ADAMTSL1: variants seen among roughly 807,000 people sequenced by gnomAD.
ADAMTSL1 encodes ADAMTS like 1, also known as ADAMTS-like protein 1.
ADAMTSL1 carries 126 observed loss-of-function variants against 201.8 expected under a neutral mutation model. The observed-to-expected ratio is 0.62, with a 90% CI of 0.54 to 0.72. The LOEUF (loss-of-function observed/expected upper bound fraction) is 0.72, where lower values mean the gene tolerates loss of function less well. Among genes scored for constraint, ADAMTSL1 ranks in the 30% least tolerant of loss-of-function variants. ADAMTSL1 has a pLI of 0.00. For synonymous variants in ADAMTSL1, 1,121 were observed against 903.4 expected (o/e 1.24, Z -4.32); for missense variants, 2,679 against 2,277.8 (o/e 1.18, Z -3.59).
At chr9:18,754,902 A>G (rs1819662547) in intron 16 of ADAMTSL1, among the ~76,000 whole-genome samples, 1 of 152,224 alleles carries the variant, frequency 6.6e-6, no homozygotes, top group African/African-American at 2.4e-5. Context: ...CCAGCGCTTA[A>G]GAAATGTATA....
intron 2 of ADAMTSL1, among the ~76,000 whole-genome samples, chr9:18,506,915 A>G (rs979118873): frequency 2.6e-5 from 4 of 152,184 alleles, no homozygotes; most frequent in Non-Finnish European, 5.9e-5. Context: ...AATATAAAGA[A>G]ATATTAGTTT....
intron 2 of ADAMTSL1, among the ~76,000 whole-genome samples, chr9:18,356,752 G>C (rs768943385): frequency 5.9e-5 from 9 of 151,990 alleles, no homozygotes; most frequent in Non-Finnish European, 8.8e-5. Flanking sequence ...GAGAGATATG[G>C]TAACAAGAAT....
At chr9:18,674,327 C>T (rs1342826596) in intron 9 of ADAMTSL1, among the ~76,000 whole-genome samples, 2 of 152,030 alleles carry the variant, frequency 1.3e-5, no homozygotes, top group African/African-American at 4.8e-5. Flanking sequence ...AGTTAGTACT[C>T]CAATGACCTT....
At chr9:18,897,057 C>T (rs899524568) in intron 26 of ADAMTSL1, among the ~76,000 whole-genome samples, 20 of 152,294 alleles carry the variant, frequency 1.3e-4, no homozygotes, top group Admixed American at 1.2e-3. Context: ...CCTGCCAGTT[C>T]CAGTGAGTCC....
chr9:18,146,397 G>A (rs1021662355), intron 1 of ADAMTSL1, among the ~76,000 whole-genome samples: 5 of 152,120 alleles, frequency 3.3e-5, no homozygotes, highest in Non-Finnish European at 5.9e-5. Context: ...AAAGAGGTAT[G>A]AGCTATCAAG....
At chr9:17,979,199 T>G (rs1818583001) in intron 1 of ADAMTSL1, among the ~76,000 whole-genome samples, 1 of 152,148 alleles carries the variant, frequency 6.6e-6, no homozygotes, top group African/African-American at 2.4e-5. Context: ...TAAACCTGGA[T>G]GTCCATATTG....
chr9:18,537,979 G>GAAGAAGAA (rs1554699362), intron 3 of ADAMTSL1, among the ~76,000 whole-genome samples: 13 of 137,772 alleles, frequency 9.4e-5, no homozygotes, highest in East Asian at 5.3e-4. Context: ...AAGAAGAAGA[G>GAAGAAGAA]GAGGAAGAGG....
Position 18,662,016 on chromosome 9 carries a change from A to G in ADAMTSL1, c.1028A>G (p.Glu343Gly), listed in dbSNP as rs1206935139. 3 of 1,614,140 alleles carry G rather than the reference A, an allele frequency of 1.9e-6. No homozygotes were observed. Among genetic ancestry groups the G allele is most frequent in the South Asian group, 1.1e-5 (1 of 91,078 alleles). ...VADQYCHYYP[E>G]NIKPKPKLQE... ...GACCAATACTGTCACTATTACCCAG[A>G]GAACATCAAACCCAAACCCAAGCTT... The change falls in exon 9 of 29, where the codon GAG becomes GGG. Residue 343 changes from glutamate to glycine, a missense_variant. Physicochemically the swap from Glu to Gly is moderately conservative, Grantham distance 98 (BLOSUM62 -2). Coordinates refer to ENST00000380548, the MANE Select transcript of ADAMTSL1 (RefSeq NM_001040272.6).
At chr9:18,010,176 G>A (rs1458997934) in intron 1 of ADAMTSL1, among the ~76,000 whole-genome samples, 1 of 152,002 alleles carries the variant, frequency 6.6e-6, no homozygotes, top group Non-Finnish European at 1.5e-5. Context: ...CGAAACTGAA[G>A]CAGCTCTGAG....
At chr9:18,311,593 A>G (rs1017720220) in intron 2 of ADAMTSL1, among the ~76,000 whole-genome samples, 1 of 152,146 alleles carries the variant, frequency 6.6e-6, no homozygotes, top group African/African-American at 2.4e-5. Context: ...ATGAACAGAT[A>G]GAATTGGCCT....
intron 2 of ADAMTSL1, among the ~76,000 whole-genome samples, chr9:18,165,469 A>C (rs1429329675): frequency 6.6e-6 from 1 of 151,918 alleles, no homozygotes; most frequent in Non-Finnish European, 1.5e-5. Flanking sequence ...ATTACTACCT[A>C]ATATTACATT....
intron 1 of ADAMTSL1, among the ~76,000 whole-genome samples, chr9:17,969,045 T>G (rs1469021653): frequency 6.6e-6 from 1 of 152,018 alleles, no homozygotes; most frequent in Non-Finnish European, 1.5e-5. Context: ...CTCTCACAGT[T>G]TCGGGGAGTT....
intron 23 of ADAMTSL1, among the ~76,000 whole-genome samples, chr9:18,841,205 C>T (rs1462968112): frequency 6.6e-6 from 1 of 152,106 alleles, no homozygotes; most frequent in Non-Finnish European, 1.5e-5. Flanking sequence ...TTTTGAGATA[C>T]ATCCCATTAA....
At chr9:18,357,442 A>G (rs1219351251) in intron 2 of ADAMTSL1, among the ~76,000 whole-genome samples, 2 of 152,184 alleles carry the variant, frequency 1.3e-5, no homozygotes, top group African/African-American at 4.8e-5. Context: ...TGTGGCATAG[A>G]TTCCTAGAGG....
chr9:17,965,539 A>G (rs919976342), intron 1 of ADAMTSL1, among the ~76,000 whole-genome samples: 5 of 152,192 alleles, frequency 3.3e-5, no homozygotes, highest in African/African-American at 1.2e-4. Context: ...ATCGCTTATT[A>G]TTTTAACTTT....
At chr9:18,553,614 G>T (rs1239097170) in intron 3 of ADAMTSL1, among the ~76,000 whole-genome samples, 1 of 151,744 alleles carries the variant, frequency 6.6e-6, no homozygotes, top group Non-Finnish European at 1.5e-5. Context: ...CATTAGAAGT[G>T]AGTGCTTTTG....
intron 1 of ADAMTSL1, among the ~76,000 whole-genome samples, chr9:17,973,538 A>C (rs113705113): frequency 0.72 from 57,978 of 80,968 alleles, 21,597 homozygotes; most frequent in East Asian, 0.87. Flanking sequence ...CTGTTTTGGT[A>C]CCAGTACCAT....
At chr9:18,514,772 T>G (rs973287345) in intron 2 of ADAMTSL1, among the ~76,000 whole-genome samples, 1 of 152,238 alleles carries the variant, frequency 6.6e-6, no homozygotes, top group Non-Finnish European at 1.5e-5. Context: ...CTTTTTTGGA[T>G]GCCTTTTATT....
intron 2 of ADAMTSL1, among the ~76,000 whole-genome samples, chr9:18,364,625 T>C (rs983544341): frequency 2.7e-5 from 4 of 147,248 alleles, no homozygotes; most frequent in African/African-American, 1.0e-4. Flanking sequence ...CAGAATAACA[T>C]GCCTGTATTA....
Sources: gnomAD v4.1 joint callset for allele counts (sites outside exome capture counted in the v4.1 genomes callset) on GRCh38, gnomAD v4.1.1 for gene constraint, MANE v1.5 for transcripts, NCBI Gene and HGNC (gene_info 2026-07-23, HGNC 2026-07-21) for gene names.